The following NRG1 variants were observed in gnomAD, a reference collection of about 807,000 sequenced individuals.
NRG1 encodes neuregulin 1.
In NRG1, 18 loss-of-function variants were observed where a neutral mutation model predicts 63.8. The observed-to-expected ratio is 0.28, with a 90% confidence interval of 0.19 to 0.42. NRG1 has a LOEUF of 0.42. Among genes scored for constraint, NRG1 ranks in the 10% least tolerant of loss-of-function variants. The probability of loss-of-function intolerance (pLI) is 1.00; values close to 1 mark genes in which losing one functional copy is unlikely to be tolerated. For missense variants in NRG1, 762 were observed against 814.7 expected, an observed-to-expected ratio of 0.94 and a Z score of 0.79; for synonymous variants, 302 against 301.3, an observed-to-expected ratio of 1.00 and a Z score of -0.02.
chr8:32,390,054 C>T (rs1421312263), intron 1 of NRG1, among the ~76,000 whole-genome samples: 2 of 152,122 alleles, frequency 1.3e-5, no homozygotes, highest in African/African-American at 4.8e-5. Context: ...GCCACTACAC[C>T]CAGCTCTTTC....
At chr8:32,409,060 G>C (rs1814514487) in intron 1 of NRG1, among the ~76,000 whole-genome samples, 1 of 152,122 alleles carries the variant, frequency 6.6e-6, no homozygotes. Flanking sequence ...TGCTGCAAAA[G>C]ACATGAATTG....
At position 32,578,692 on chromosome 8, in the gene NRG1, G is replaced by A. The variant is rs555155457; in HGVS notation, c.101-17136G>A. ...CTCTATAGCTTTTAACTTATTTCAG[G>A]ATGATTTCCCCCATTGCAAATAGAT... On this transcript the variant is annotated intron_variant, in intron 1 of 11. Transcript: ENST00000356819. Among the ~76,000 whole-genome samples the A allele has an allele frequency of 2.6e-5, 4 of 152,196 alleles. No homozygotes were observed. The South Asian group carries it at 8.3e-4, about 32-fold the overall frequency.
intron 1 of NRG1, among the ~76,000 whole-genome samples, chr8:32,057,675 A>T (rs1320600804): frequency 1.3e-5 from 2 of 152,170 alleles, no homozygotes; most frequent in Non-Finnish European, 2.9e-5. Flanking sequence ...TGGGTTAAGG[A>T]TCATTTCAGT....
chr8:31,909,146 A>G (rs1832750149), intron 1 of NRG1, among the ~76,000 whole-genome samples: 2 of 152,178 alleles, frequency 1.3e-5, no homozygotes, highest in African/African-American at 2.4e-5. Flanking sequence ...TTGGCCTTTA[A>G]TATCCCAAAT....
In NRG1 at chr8:32,634,099, T is replaced by TAAAAAAAA. The variant is rs57478389; in HGVS notation, c.502+17226_502+17233dup. Among the ~76,000 whole-genome samples the TAAAAAAAA allele has an allele frequency of 6.7e-4, 58 of 86,748 alleles. 3 individuals are homozygous for TAAAAAAAA. Among genetic ancestry groups the TAAAAAAAA allele is most frequent in the East Asian group, 4.2e-3 (7 of 1,652 alleles). 56.9% of individuals were successfully genotyped at this position (86,748 alleles called of 152,430 possible). On this transcript the variant is annotated intron_variant, in intron 5 of 11. Transcript: ENST00000356819. The stretch of plus-strand genomic sequence containing the variant: ...TTTGAGGCTGAGCAAGATCTTGTCT[T>TAAAAAAAA]AAAAAAAAAAAAAAAAAAAGGTTGC...
downstream of NRG1, among the ~76,000 whole-genome samples, chr8:32,772,773 A>G (rs1007929719): frequency 6.6e-5 from 10 of 152,156 alleles, no homozygotes; most frequent in Non-Finnish European, 1.0e-4. Context: ...AACACAGACA[A>G]TTTTATCTTG....
chr8:32,573,775 T>A (rs1839089794), intron 1 of NRG1, among the ~76,000 whole-genome samples: 1 of 152,084 alleles, frequency 6.6e-6, no homozygotes, highest in Admixed American at 6.6e-5. Context: ...TAGCATTAGG[T>A]ATATCTCCTA....
chr8:32,499,283 A>T (rs1827580509), intron 1 of NRG1, among the ~76,000 whole-genome samples: 1 of 152,190 alleles, frequency 6.6e-6, no homozygotes, highest in Non-Finnish European at 1.5e-5. Context: ...ACACTTAAAG[A>T]GAGGCATTTC....
At chr8:32,001,913 T>C (rs1812995369) in intron 1 of NRG1, among the ~76,000 whole-genome samples, 1 of 152,092 alleles carries the variant, frequency 6.6e-6, no homozygotes, top group South Asian at 2.1e-4. Flanking sequence ...TCATTGACTT[T>C]TCCCCTTTCC....
At chr8:31,966,003 C>T (rs753369664) in intron 1 of NRG1, among the ~76,000 whole-genome samples, 9 of 152,058 alleles carry the variant, frequency 5.9e-5, no homozygotes, top group Non-Finnish European at 8.8e-5. Context: ...GAAAGATGAT[C>T]TATTGGATAA....
chr8:32,442,958 C>T (rs1819741146), intron 1 of NRG1, among the ~76,000 whole-genome samples: 1 of 150,726 alleles, frequency 6.6e-6, no homozygotes, highest in African/African-American at 2.4e-5. Flanking sequence ...GAGTCAGGGT[C>T]TTGCTCTATC....
chr8:31,790,040 C>G (rs1218878685), intron 1 of NRG1, among the ~76,000 whole-genome samples: 2 of 152,086 alleles, frequency 1.3e-5, no homozygotes, highest in African/African-American at 2.4e-5. Flanking sequence ...CAGTAAATAG[C>G]TGTGTTTTGG....
chr8:32,280,032 C>T (rs1852532349), intron 1 of NRG1, among the ~76,000 whole-genome samples: 2 of 152,214 alleles, frequency 1.3e-5, no homozygotes, highest in Non-Finnish European at 2.9e-5. Context: ...TCAATATCAT[C>T]AGTCATTACT....
chr8:32,708,389 G>A (rs1178983047), intron 5 of NRG1, among the ~76,000 whole-genome samples: 1 of 152,136 alleles, frequency 6.6e-6, no homozygotes, highest in Admixed American at 6.5e-5. Flanking sequence ...AGAAAAAGAG[G>A]TCCATGAAAC....
intron 1 of NRG1, among the ~76,000 whole-genome samples, chr8:32,549,482 A>G (rs748334738): frequency 7.9e-5 from 12 of 152,214 alleles, no homozygotes; most frequent in Non-Finnish European, 1.3e-4. Context: ...AGTGTCAGGA[A>G]TCAGCTCTGC....
chr8:32,178,886 C>T (rs1162214826), intron 1 of NRG1, among the ~76,000 whole-genome samples: 2 of 150,758 alleles, frequency 1.3e-5, no homozygotes, highest in Non-Finnish European at 3.0e-5. Context: ...TTCTTTCTGT[C>T]CTAAAAAAAA....
At chr8:32,053,187 C>A (rs1243596136) in intron 1 of NRG1, among the ~76,000 whole-genome samples, 1 of 152,132 alleles carries the variant, frequency 6.6e-6, no homozygotes, top group African/African-American at 2.4e-5. Flanking sequence ...GTTGAATTGA[C>A]TCTAGAAATG....
At chr8:31,833,544 A>G (rs1825378233) in intron 1 of NRG1, among the ~76,000 whole-genome samples, 1 of 152,218 alleles carries the variant, frequency 6.6e-6, no homozygotes, top group African/African-American at 2.4e-5. Flanking sequence ...GCCTACTACA[A>G]TGCTTGATTC....
At chr8:31,713,549 C>G (rs1166694255) in intron 1 of NRG1, among the ~76,000 whole-genome samples, 1 of 152,146 alleles carries the variant, frequency 6.6e-6, no homozygotes, top group Non-Finnish European at 1.5e-5. Flanking sequence ...TACTTAACCT[C>G]ACTCTTCACT....
Sources: gnomAD v4.1 joint callset for allele counts (sites outside exome capture counted in the v4.1 genomes callset) on GRCh38, gnomAD v4.1.1 for gene constraint, MANE v1.5 for transcripts, NCBI Gene and HGNC (gene_info 2026-07-23, HGNC 2026-07-21) for gene names.